Variants in RANBP9 observed in about 807,000 individuals in gnomAD.
RANBP9 encodes the protein RAN binding protein 9, also known as ran-binding protein 9.
Under a neutral mutation model 84.3 loss-of-function variants are expected in RANBP9, and 15 were observed. That is an observed-to-expected ratio of 0.18 (90% confidence interval 0.12 to 0.27). The LOEUF (loss-of-function observed/expected upper bound fraction) is 0.27, where lower values mean the gene tolerates loss of function less well. Ranked by LOEUF, RANBP9 falls within the 10% of genes least tolerant of loss-of-function variation. RANBP9 has a pLI of 1.00. For missense variants in RANBP9, 809 were observed against 912.8 expected, an observed-to-expected ratio of 0.89 and a Z score of 1.46; for synonymous variants, 392 against 349.6, an observed-to-expected ratio of 1.12 and a Z score of -1.35.
intron 2 of RANBP9, among the ~76,000 whole-genome samples, chr6:13,667,853 C>G (rs1283134654): frequency 1.3e-5 from 2 of 152,016 alleles, no homozygotes; most frequent in Non-Finnish European, 2.9e-5. Context: ...AGAACGTATC[C>G]CCATTCTTAC....
At chr6:13,679,067 T>G (rs1284745372) in intron 2 of RANBP9, among the ~76,000 whole-genome samples, 1 of 152,158 alleles carries the variant, frequency 6.6e-6, no homozygotes, top group South Asian at 2.1e-4. Flanking sequence ...AAAAAAAAAA[T>G]TTGTTCCAAT....
chr6:13,646,771 C>T (rs1765183330), intron 5 of RANBP9, among the ~76,000 whole-genome samples: 1 of 152,056 alleles, frequency 6.6e-6, no homozygotes, highest in African/African-American at 2.4e-5. Context: ...ATCTGCCACA[C>T]ATATGGCAAA....
intron 9 of RANBP9, among the ~76,000 whole-genome samples, chr6:13,638,804 A>G (rs1004015490): frequency 7.9e-5 from 12 of 152,096 alleles, no homozygotes; most frequent in African/African-American, 2.9e-4. Context: ...GATGGGAGAA[A>G]ACGAACTAGG....
intron 2 of RANBP9, among the ~76,000 whole-genome samples, chr6:13,682,976 G>T (rs1161335205): frequency 6.6e-6 from 1 of 152,114 alleles, no homozygotes; most frequent in African/African-American, 2.4e-5. Flanking sequence ...GTGTACAAGG[G>T]TATTCACTGT....
chr6:13,682,750 T>C (rs1431324073), intron 2 of RANBP9, among the ~76,000 whole-genome samples: 3 of 152,286 alleles, frequency 2.0e-5, no homozygotes, highest in Admixed American at 6.5e-5. Context: ...TATCAAGATA[T>C]TCTAGGCTAA....
intron 2 of RANBP9, among the ~76,000 whole-genome samples, chr6:13,688,409 C>A (rs946628371): frequency 6.6e-6 from 1 of 152,168 alleles, no homozygotes; most frequent in Admixed American, 6.5e-5. Context: ...CTGATCACCA[C>A]CCTGTCTTCC....
chr6:13,678,464 T>TTCCATATACAAACCAACCAATCC (rs1307636971), intron 2 of RANBP9, among the ~76,000 whole-genome samples: 4 of 152,206 alleles, frequency 2.6e-5, no homozygotes, highest in Non-Finnish European at 5.9e-5. Flanking sequence ...GGAGCATGTC[T>TTCCATATACAAACCAACCAATCC]TCCATATACA....
intron 2 of RANBP9, among the ~76,000 whole-genome samples, chr6:13,675,027 G>A (rs1190917784): frequency 6.6e-6 from 1 of 152,144 alleles, no homozygotes; most frequent in Non-Finnish European, 1.5e-5. Context: ...GACAAAAACT[G>A]ATAGAGCTAC....
intron 13 of RANBP9, among the ~76,000 whole-genome samples, chr6:13,622,724 G>A (rs775047291): frequency 5.3e-5 from 8 of 152,180 alleles, no homozygotes; most frequent in Non-Finnish European, 8.8e-5. Context: ...GGCAGAATCA[G>A]ACTTTTAAAG....
At chr6:13,643,920 T>C (rs1268466014) in intron 6 of RANBP9, among the ~76,000 whole-genome samples, 2 of 152,174 alleles carry the variant, frequency 1.3e-5, no homozygotes, top group African/African-American at 4.8e-5. Flanking sequence ...CAACATTTTA[T>C]TACAATTTTA....
intron 1 of RANBP9, among the ~76,000 whole-genome samples, chr6:13,702,391 A>G (rs1757996790): frequency 6.6e-6 from 1 of 152,122 alleles, no homozygotes; most frequent in South Asian, 2.1e-4. Context: ...ACAAAGCGAG[A>G]CTCTGTTCAA....
Position 13,662,378 on chromosome 6 carries a change from G to A in RANBP9, c.684-3546C>T, listed in dbSNP as rs558950383. ...TACTGTTACAATGCACAAGATGTAG[G>A]GAGAAATACTCTTGCTTTGAATGAA... is the stretch of plus-strand genomic sequence containing the variant. On this transcript the variant is annotated intron_variant, in intron 2 of 13. Coordinates refer to ENST00000011619, the MANE Select transcript of RANBP9 (RefSeq NM_005493.3). Among the ~76,000 whole-genome samples, 4 of 152,268 alleles carry A rather than the reference G, an allele frequency of 2.6e-5. No homozygotes were observed. In the South Asian group the frequency reaches 8.3e-4, roughly 32 times the overall value.
chr6:13,685,575 CCT>C (rs1466898682), intron 2 of RANBP9, among the ~76,000 whole-genome samples: 4 of 151,666 alleles, frequency 2.6e-5, no homozygotes, highest in Admixed American at 6.6e-5. Flanking sequence ...AGAGAAATAC[CCT>C]GTCTCCCCAA....
intron 5 of RANBP9, among the ~76,000 whole-genome samples, chr6:13,648,018 C>T (rs1166122265): frequency 6.6e-6 from 1 of 152,068 alleles, no homozygotes; most frequent in Non-Finnish European, 1.5e-5. Context: ...TACCCATCAG[C>T]AGCCACTTCC....
chr6:13,685,826 G>C (rs1295252990), intron 2 of RANBP9, among the ~76,000 whole-genome samples: 1 of 151,504 alleles, frequency 6.6e-6, no homozygotes, highest in Non-Finnish European at 1.5e-5. Flanking sequence ...TAATGGGAGG[G>C]AGGCTGAGGT....
In RANBP9 at chr6:13,632,506, T is replaced by G; in HGVS notation, c.1811A>C (p.Gln604Pro). 6.2e-7 allele frequency: 1 copy of G among 1,613,438 alleles called. No homozygotes were observed. ...TCCTCCACACAACTGGCGTCTCAAC[T>G]GACTTGAATCAACTTCTGTAAGAAA... ...CDTEMEVDSS[Q>P]LRRQLCGGSQ... The change falls in exon 12 of 14, where the codon CAG (glutamine) becomes CCG (proline). Residue 604 changes from glutamine (Q) to proline (P), a missense_variant. Gln to Pro is a moderately conservative substitution (Grantham distance 76). Around this residue, in one of 5 missense-constraint regions of RANBP9, gnomAD observed 233 missense variants for 234.4 expected, o/e 0.99. Transcript: ENST00000011619.
intron 1 of RANBP9, among the ~76,000 whole-genome samples, chr6:13,698,638 C>A (rs1757897095): frequency 6.6e-6 from 1 of 152,140 alleles, no homozygotes; most frequent in Admixed American, 6.5e-5. Context: ...TTCTTAATAA[C>A]AAATAATAGT....
intron 11 of RANBP9, 48 bp from the exon 12 acceptor site, chr6:13,632,569 T>A (rs1057223134): frequency 3.9e-6 from 6 of 1,522,806 alleles, no homozygotes; most frequent in Admixed American, 1.7e-5. Context: ...GAATGGAGTA[T>A]AATGAGGACA....
chr6:13,700,187 C>T (rs11759518), intron 1 of RANBP9, among the ~76,000 whole-genome samples: 33,995 of 152,102 alleles, frequency 0.22, 4,358 homozygotes, highest in Admixed American at 0.29. Flanking sequence ...TTTGAATAAA[C>T]CATTCTACCC....
Sources: allele counts gnomAD v4.1 joint callset (sites outside exome capture counted in the v4.1 genomes callset), GRCh38; gene constraint gnomAD v4.1.1; regional missense constraint gnomAD v4.1.1; transcripts MANE v1.5; gene names NCBI Gene and HGNC (gene_info 2026-07-23, HGNC 2026-07-21).